SH3PXD2A: variants seen among roughly 807,000 people sequenced by gnomAD.
The protein encoded by SH3PXD2A is SH3 and PX domains 2A.
In SH3PXD2A, 32 loss-of-function variants were observed where a neutral mutation model predicts 115.2. That is an observed-to-expected ratio of 0.28 (90% CI 0.21 to 0.37). SH3PXD2A has a LOEUF of 0.37. Ranked by LOEUF, SH3PXD2A falls within the 10% of genes least tolerant of loss-of-function variation. The pLI, the probability that SH3PXD2A is intolerant of heterozygous loss-of-function variation, is 1.00. For missense variants in SH3PXD2A, 1,328 were observed against 1,498.7 expected (o/e 0.89, Z 1.88); for synonymous variants, 610 against 629.1 (o/e 0.97, Z 0.45).
intron 13 of SH3PXD2A, among the ~76,000 whole-genome samples, chr10:103,607,850 A>AC (rs1056361491): frequency 1.3e-5 from 2 of 151,842 alleles, no homozygotes; most frequent in Admixed American, 1.3e-4. Flanking sequence ...CTGTGACCTT[A>AC]CCCCCAACCC....
intron 5 of SH3PXD2A, chr10:103,693,358 G>A (rs1222486073): frequency 2.0e-5 from 3 of 151,228 alleles, no homozygotes; most frequent in East Asian, 1.9e-4. Context: ...GGCGGGGAAG[G>A]GCGAGGCAGG....
intron 2 of SH3PXD2A, among the ~76,000 whole-genome samples, chr10:103,770,006 C>T (rs944247571): frequency 1.3e-5 from 2 of 152,044 alleles, no homozygotes; most frequent in South Asian, 2.1e-4. Context: ...AATTCATGTT[C>T]GCTAAGGGAA....
At chr10:103,721,653 G>A (rs769184611) in intron 5 of SH3PXD2A, among the ~76,000 whole-genome samples, 2 of 152,294 alleles carry the variant, frequency 1.3e-5, no homozygotes, top group East Asian at 1.9e-4. Context: ...AGCCACCCAC[G>A]TAGGGAGGAG....
intron 8 of SH3PXD2A, among the ~76,000 whole-genome samples, chr10:103,656,901 G>A (rs1159909895): frequency 6.6e-6 from 1 of 150,730 alleles, no homozygotes; most frequent in Non-Finnish European, 1.5e-5. Context: ...GCTGACTTTT[G>A]GTTCCCAGTT....
In SH3PXD2A at chr10:103,756,729, C is replaced by A. The variant is rs187966819; in HGVS notation, c.229+10365G>T. Among the ~76,000 whole-genome samples the A allele has an allele frequency of 2.6e-5, 4 of 152,298 alleles. No individual in the cohort carries two copies. In the East Asian group the frequency reaches 5.8e-4, roughly 22 times the overall value. ...CCCAGACAGAGCTATGGGCAGTCAT[C>A]CTCGACCCCACCCCACCACCTCCAA... On this transcript the variant is annotated intron_variant, in intron 3 of 14. Transcript: ENST00000369774. This position sits in a 1 kb window ranked among gnomAD's most constrained non-coding sequence, Gnocchi z 4.4.
At chr10:103,788,594 C>T (rs1306237698) in intron 2 of SH3PXD2A, among the ~76,000 whole-genome samples, 3 of 152,034 alleles carry the variant, frequency 2.0e-5, no homozygotes, top group Non-Finnish European at 4.4e-5. Flanking sequence ...AGGCCGGGTG[C>T]GGTGGCTCAC....
intron 5 of SH3PXD2A, among the ~76,000 whole-genome samples, chr10:103,711,701 G>A (rs977970973): frequency 6.6e-6 from 1 of 152,202 alleles, no homozygotes; most frequent in African/African-American, 2.4e-5. Flanking sequence ...CCCTCACACA[G>A]GAGCAGAGGG....
At chr10:103,615,217 G>A (rs992683235) in intron 11 of SH3PXD2A, among the ~76,000 whole-genome samples, 1 of 152,206 alleles carries the variant, frequency 6.6e-6, no homozygotes, top group South Asian at 2.1e-4. Flanking sequence ...CCTCACTGAC[G>A]ATTTTTCTAC....
intron 2 of SH3PXD2A, among the ~76,000 whole-genome samples, chr10:103,767,483 G>A (rs1029514563): frequency 6.6e-6 from 1 of 152,154 alleles, no homozygotes; most frequent in African/African-American, 2.4e-5. Flanking sequence ...GCTGCCTGTA[G>A]GGTTTCCAGA....
chr10:103,594,503 C>T lies in SH3PXD2A; in HGVS notation c.*7313G>A, dbSNP rs1379775334. On this transcript the variant is annotated 3_prime_UTR_variant, in exon 15 of 15. Transcript: ENST00000369774. ...CAAGGTTCTGGAGCTCCAGAGACAT[C>T]CACCAGTCCCCACCCAGCCATGCAG... The T allele has an allele frequency of 6.6e-6, 1 of 152,282 alleles. No homozygotes were observed. The highest frequency in any genetic ancestry group is 1.5e-5 in the Non-Finnish European group (1 of 68,060). The allele number at this position is 152,282 out of a possible 1,614,324, so 9.4% of individuals were successfully genotyped here. A position where few individuals can be genotyped will look rare whatever the true frequency, so the allele number is the denominator to read the frequency against.
intron 6 of SH3PXD2A, among the ~76,000 whole-genome samples, chr10:103,682,756 CAA>C (rs10706432): frequency 0.029 from 4,077 of 138,300 alleles, 183 homozygotes; most frequent in African/African-American, 0.099. Context: ...GATTCCGTCT[CAA>C]AAAAAAAAAA....
intron 4 of SH3PXD2A, among the ~76,000 whole-genome samples, chr10:103,725,963 G>A (rs918700587): frequency 1.3e-5 from 2 of 152,226 alleles, no homozygotes; most frequent in Non-Finnish European, 2.9e-5. Flanking sequence ...GTCCGACATG[G>A]AGGGGTTGGG....
intron 8 of SH3PXD2A, among the ~76,000 whole-genome samples, chr10:103,636,371 T>C (rs1592274830): frequency 6.8e-6 from 1 of 146,810 alleles, no homozygotes; most frequent in Non-Finnish European, 1.5e-5. Context: ...ATCGTACCAC[T>C]GCACTCCAGC....
At chr10:103,828,357 T>C (rs1286176608) in intron 1 of SH3PXD2A, among the ~76,000 whole-genome samples, 1 of 152,176 alleles carries the variant, frequency 6.6e-6, no homozygotes, top group Non-Finnish European at 1.5e-5. Flanking sequence ...ACTCCTCAAA[T>C]GAGCTTCCCC....
intron 1 of SH3PXD2A, among the ~76,000 whole-genome samples, chr10:103,854,869 G>A (rs1376277628): frequency 6.6e-6 from 1 of 152,170 alleles, no homozygotes; most frequent in Non-Finnish European, 1.5e-5. Flanking sequence ...GCGCTTTCCC[G>A]ACGGGGCTGC....
intron 8 of SH3PXD2A, among the ~76,000 whole-genome samples, chr10:103,629,669 T>C (rs911853566): frequency 6.6e-6 from 1 of 152,224 alleles, no homozygotes; most frequent in African/African-American, 2.4e-5. Context: ...CATTCGGCTA[T>C]TGGGAGGAAA....
At position 103,602,397 on chromosome 10, in the gene SH3PXD2A, G is replaced by A; in HGVS notation, c.2821C>T (p.Gln941Ter). The A allele has an allele frequency of 6.2e-7, 1 of 1,614,078 alleles. No homozygotes were observed. Among genetic ancestry groups the A allele is most frequent in the Non-Finnish European group, 8.5e-7 (1 of 1,180,016 alleles). ...ATGGGGGGCGTGGCCTTCTTGCTCT[G>A]GTTGACGGTGTTCAGTGCTTGGACG... Reference protein sequence around the residue: ...RRVQALNTVNQSKKATPPIPS... With the variant: ...RRVQALNTVN The change falls in exon 15 of 15, where the codon CAG becomes TAG. Residue 941 changes from glutamine to a stop codon, truncating the protein, a stop_gained. Transcript: ENST00000369774. LOFTEE classifies it high-confidence loss of function.
chr10:103,794,213 A>G (rs1442586660), intron 2 of SH3PXD2A, among the ~76,000 whole-genome samples: 1 of 152,188 alleles, frequency 6.6e-6, no homozygotes, highest in Non-Finnish European at 1.5e-5. Flanking sequence ...GGAGAGATGA[A>G]TAAGGAATAG....
At chr10:103,701,319 C>CT (rs2037899348) in intron 5 of SH3PXD2A, among the ~76,000 whole-genome samples, 1 of 148,814 alleles carries the variant, frequency 6.7e-6, no homozygotes, top group East Asian at 2.0e-4. Flanking sequence ...ATCCATCCAT[C>CT]ATCCATCCAT....
Sources: gnomAD v4.1 joint callset for allele counts (sites outside exome capture counted in the v4.1 genomes callset) on GRCh38, gnomAD v4.1.1 for gene constraint, Gnocchi (gnomAD v3.1) non-coding constraint, MANE v1.5 for transcripts, NCBI Gene and HGNC (gene_info 2026-07-23, HGNC 2026-07-21) for gene names.